Variants in ZBTB46 observed in about 807,000 individuals in gnomAD.
ZBTB46 encodes the protein zinc finger and BTB domain-containing protein 46.
Under a neutral mutation model 44.1 loss-of-function variants are expected in ZBTB46, and 8 were observed. The observed-to-expected ratio is 0.18, with a 90% CI of 0.11 to 0.33. The LOEUF (loss-of-function observed/expected upper bound fraction) is 0.33, where lower values mean the gene tolerates loss of function less well. Ranked by LOEUF, ZBTB46 falls within the 10% of genes least tolerant of loss-of-function variation. The pLI is 1.00. For missense variants in ZBTB46, 651 were observed against 847.7 expected, an observed-to-expected ratio of 0.77 and a Z score of 2.88; for synonymous variants, 409 against 382.3, an observed-to-expected ratio of 1.07 and a Z score of -0.81.
At position 63,790,343 on chromosome 20, in the gene ZBTB46, C is replaced by T. The variant is rs1365745547; in HGVS notation, c.415G>A (p.Asp139Asn). ...CCGATCTCGAACTCCGCAAGCTCAT[C>T]TGAGGCGTCCGACTTGATGCTGATG... Reference protein sequence around the residue: ...LDISIKSDASDELAEFEIGAS... With the variant: ...LDISIKSDASNELAEFEIGAS... The change falls in exon 2 of 5, where the codon GAT becomes AAT. Residue 139 changes from aspartate (D) to asparagine (N), a missense_variant. Around this residue, in one of 5 missense-constraint regions of ZBTB46, gnomAD observed 385 missense variants for 423.3 expected, o/e 0.91. Coordinates refer to ENST00000245663, the MANE Select transcript of ZBTB46 (RefSeq NM_001369741.1). 3 of 1,613,256 alleles carry T rather than the reference C, an allele frequency of 1.9e-6. No homozygotes were observed. Among genetic ancestry groups the T allele is most frequent in the South Asian group, 2.2e-5 (2 of 91,076 alleles).
chr20:63,794,276 C>G (rs1239580034), intron 1 of ZBTB46, among the ~76,000 whole-genome samples: 4 of 152,090 alleles, frequency 2.6e-5, no homozygotes, highest in Non-Finnish European at 5.9e-5. Flanking sequence ...ACGGCAGCCT[C>G]CAACTCCTGG....
chr20:63,808,823 A>C (rs1221035932), intron 1 of ZBTB46, among the ~76,000 whole-genome samples: 1 of 151,660 alleles, frequency 6.6e-6, no homozygotes, highest in Admixed American at 6.6e-5. Context: ...AAAATACAAA[A>C]AAAAATTAGC....
chr20:63,789,749 C>T (rs1428142995), intron 2 of ZBTB46, 72 bp downstream of exon 2: 61 of 1,534,784 alleles, frequency 4.0e-5, no homozygotes, highest in Non-Finnish European at 4.6e-5. Context: ...GTCACTGCCT[C>T]CGCACAGCAC....
chr20:63,748,500 C>G (rs2315647), intron 4 of ZBTB46, among the ~76,000 whole-genome samples: 81,185 of 152,122 alleles, frequency 0.53, 22,348 homozygotes, highest in East Asian at 0.95. Context: ...CCCTCGGCCA[C>G]GCCAGCTAGA....
chr20:63,800,097 G>A (rs763718721), intron 1 of ZBTB46, among the ~76,000 whole-genome samples: 1 of 152,166 alleles, frequency 6.6e-6, no homozygotes, highest in Admixed American at 6.5e-5. Flanking sequence ...AACTGCAGAG[G>A]CAGCTCAGGC....
In ZBTB46 at chr20:63,744,156, C is replaced by T. The variant is rs966149866; in HGVS notation, c.*2774G>A. On this transcript the variant is annotated 3_prime_UTR_variant, in exon 5 of 5. Transcript: ENST00000245663. ...TTAAGTATGGCTTTCTTAAGAGTCGCACATGTCACAGAATGAGCTAAAATA... is the reference window on the plus strand; with the variant it reads ...TTAAGTATGGCTTTCTTAAGAGTCGTACATGTCACAGAATGAGCTAAAATA... 1.3e-5 allele frequency: 2 copies of T among 152,216 alleles called. No homozygotes were observed. Among genetic ancestry groups the T allele is most frequent in the Admixed American group, 1.3e-4 (2 of 15,278 alleles). The allele number at this position is 152,216 out of a possible 1,614,324, so 9.4% of individuals were successfully genotyped here.
intron 4 of ZBTB46, among the ~76,000 whole-genome samples, chr20:63,751,140 G>A (rs1159116662): frequency 1.0e-5 from 1 of 95,834 alleles, no homozygotes; most frequent in Non-Finnish European, 2.2e-5. Flanking sequence ...CCCCGCCCCC[G>A]CGGCTTTTTA....
At chr20:63,814,105 C>T (rs1286921737) in intron 1 of ZBTB46, among the ~76,000 whole-genome samples, 2 of 151,750 alleles carry the variant, frequency 1.3e-5, no homozygotes, top group Non-Finnish European at 2.9e-5. Context: ...TGGCAGTGGG[C>T]GCCTGTAGTC....
intron 1 of ZBTB46, among the ~76,000 whole-genome samples, chr20:63,808,858 T>TC (rs1263369358): frequency 6.7e-6 from 1 of 150,334 alleles, no homozygotes; most frequent in African/African-American, 2.4e-5. Flanking sequence ...GCGCCTGCAG[T>TC]CCCAGCTACT....
chr20:63,795,106 G>GCCGCCTCTGCTGTCTCCTCCAAACA (rs2092591132), intron 1 of ZBTB46, among the ~76,000 whole-genome samples: 1 of 152,230 alleles, frequency 6.6e-6, no homozygotes, highest in African/African-American at 2.4e-5. Flanking sequence ...TCAGAGGGAC[G>GCCGCCTCTGCTGTCTCCTCCAAACA]CCGCCTCTGC....
At chr20:63,771,414 G>A (rs1288342354) in intron 3 of ZBTB46, among the ~76,000 whole-genome samples, 1 of 152,150 alleles carries the variant, frequency 6.6e-6, no homozygotes, top group Non-Finnish European at 1.5e-5. Flanking sequence ...GGGGCCACGC[G>A]GTCCCGCCGG....
At chr20:63,821,138 G>T (rs141459462) in intron 1 of ZBTB46, among the ~76,000 whole-genome samples, 1,888 of 150,772 alleles carry the variant, frequency 0.013, 27 homozygotes, top group Non-Finnish European at 0.017. Context: ...TGATCCGCCC[G>T]CCTCAGCCTC....
At chr20:63,815,351 GTGCAGGTGC>G (rs987080720) in intron 1 of ZBTB46, among the ~76,000 whole-genome samples, 1 of 151,678 alleles carries the variant, frequency 6.6e-6, no homozygotes, top group Non-Finnish European at 1.5e-5. Context: ...GGTGCAGTAG[GTGCAGGTGC>G]AGTGGGTACA....
Position 63,746,766 on chromosome 20 carries a change from TGCTTAGCCCGCA to T in ZBTB46, c.*152_*163del. ...GCACCCCTCTTGCTGGGGTCGCACC[TGCTTAGCCCGCA>T]GGGCTGGTTTCCGTGGGGGGTGGGT... is the stretch of plus-strand genomic sequence containing the variant. On this transcript the variant is annotated 3_prime_UTR_variant, in exon 5 of 5. Coordinates refer to ENST00000245663, the MANE Select transcript of ZBTB46 (RefSeq NM_001369741.1). 1 of 1,169,780 alleles carries T rather than the reference TGCTTAGCCCGCA, an allele frequency of 8.5e-7. No individual in the cohort carries two copies. Among genetic ancestry groups the T allele is most frequent in the Non-Finnish European group, 1.1e-6 (1 of 875,792 alleles). 72.5% of individuals were successfully genotyped at this position (1,169,780 alleles called of 1,614,324 possible).
intron 1 of ZBTB46, among the ~76,000 whole-genome samples, chr20:63,823,555 G>C (rs1432429889): frequency 6.6e-6 from 1 of 151,700 alleles, no homozygotes; most frequent in African/African-American, 2.4e-5. Context: ...AAAAAAATTG[G>C]CCGGGTGTGG....
In ZBTB46 at chr20:63,803,801, A is replaced by G. The variant is rs747073874; in HGVS notation, c.-33-13011T>C. ...CGGCTCACTGCAGCCTCAACCTCCC[A>G]GGCTCAAGGCATCCTCCCACATCAG... On this transcript the variant is annotated intron_variant, in intron 1 of 4. Transcript: ENST00000245663. This position sits in a 1 kb window ranked among gnomAD's most constrained non-coding sequence, Gnocchi z 4.0. Among the ~76,000 whole-genome samples, 21 of 152,106 alleles carry G rather than the reference A, an allele frequency of 1.4e-4. No individual in the cohort carries two copies. The highest frequency in any genetic ancestry group is 2.9e-4 in the Non-Finnish European group (20 of 68,010).
At chr20:63,806,246 T>TA (rs113225024) in intron 1 of ZBTB46, among the ~76,000 whole-genome samples, 25,631 of 144,064 alleles carry the variant, frequency 0.18, 2,731 homozygotes, top group East Asian at 0.44. Context: ...TACTAAAAGT[T>TA]AAAAAAAAAA....
At chr20:63,762,050 G>A (rs889517059) in intron 3 of ZBTB46, among the ~76,000 whole-genome samples, 7 of 152,226 alleles carry the variant, frequency 4.6e-5, no homozygotes, top group African/African-American at 7.2e-5. Context: ...TTGGTGTAAC[G>A]TTCAAACTGG....
rs1182016059 is a variant in ZBTB46, at chr20:63,789,979, G to A, written c.779C>T (p.Ala260Val). The A allele has an allele frequency of 1.9e-6, 3 of 1,614,012 alleles. No homozygotes were observed. Among genetic ancestry groups the A allele is most frequent in the Non-Finnish European group, 2.5e-6 (3 of 1,180,038 alleles). The change falls in exon 2 of 5, where the codon GCT (alanine) becomes GTT (valine). Residue 260 changes from alanine (A) to valine (V), a missense_variant. Ala to Val is a moderately conservative substitution (Grantham distance 64). Around this residue, in one of 5 missense-constraint regions of ZBTB46, gnomAD observed 385 missense variants for 423.3 expected, o/e 0.91. Transcript: ENST00000245663. ...AVQNSFSEQS[A>V]GDAWQPTGRR... ...GCCCGTGGGCTGCCAGGCATCACCA[G>A]CACTCTGCTCTGAGAAAGAGTTCTG...
Sources: allele counts gnomAD v4.1 joint callset (sites outside exome capture counted in the v4.1 genomes callset), GRCh38; gene constraint gnomAD v4.1.1; regional missense constraint gnomAD v4.1.1; non-coding constraint Gnocchi (gnomAD v3.1); transcripts MANE v1.5; gene names NCBI Gene and HGNC (gene_info 2026-07-23, HGNC 2026-07-21).